ARHGEF16: variants seen among roughly 807,000 people sequenced by gnomAD.
The protein encoded by ARHGEF16 is Rho guanine exchange factor (GEF) 16.
In ARHGEF16, 59 loss-of-function variants were observed where a neutral mutation model predicts 74.1. That is an observed-to-expected ratio of 0.80 (90% CI 0.65 to 0.99). The LOEUF is 0.99. Among genes scored for constraint, ARHGEF16 ranks in the 50% least tolerant of loss-of-function variants. ARHGEF16 has a pLI of 0.00. For synonymous variants in ARHGEF16, 415 were observed against 412.6 expected (o/e 1.01, Z -0.07); for missense variants, 948 against 986.6 (o/e 0.96, Z 0.52).
rs1398144959 is a variant in ARHGEF16, at chr1:3,478,238, G to A, written c.1626-186G>A. 40 of 908,408 alleles carry A rather than the reference G, an allele frequency of 4.4e-5. No homozygotes were observed. The Middle Eastern group carries it at 9.7e-4, about 22-fold the overall frequency. 56.3% of individuals were successfully genotyped at this position (908,408 alleles called of 1,614,324 possible). A position where few individuals can be genotyped will look rare whatever the true frequency, so the allele number is the denominator to read the frequency against. ...CCTCCTCTGCAGACCTGGGTCTGCC[G>A]GTGATAGCCACGAGGAGGACTCGAA... On this transcript the variant is annotated intron_variant, in intron 11 of 14. Transcript: ENST00000378378.
intron 8 of ARHGEF16, chr1:3,474,342 G>A: frequency 3.4e-6 from 1 of 292,784 alleles, no homozygotes; most frequent in Middle Eastern, 1.2e-3. Flanking sequence ...GGCTACACAT[G>A]GCAGGGTTGC....
At position 3,479,499 on chromosome 1, in the gene ARHGEF16, G is replaced by A. The variant is rs768720649; in HGVS notation, c.1815-18G>A. 8 of 1,611,952 alleles carry A rather than the reference G, an allele frequency of 5.0e-6. No individual in the cohort carries two copies. In the South Asian group the frequency reaches 8.8e-5, roughly 18 times the overall value. Reference sequence around the variant, plus strand: ...GGATCGGTCTCCAGGCCTGGCTCATGCTGTCTCTGGTCCCCAGGAGTGACC... The same window carrying A: ...GGATCGGTCTCCAGGCCTGGCTCATACTGTCTCTGGTCCCCAGGAGTGACC... On this transcript the variant is annotated intron_variant, in intron 12 of 14. Coordinates refer to ENST00000378378, the MANE Select transcript of ARHGEF16 (RefSeq NM_014448.4).
At chr1:3,471,896 G>T in intron 6 of ARHGEF16, 3 of 931,222 alleles carry the variant, frequency 3.2e-6, no homozygotes, top group Non-Finnish European at 3.9e-6. Flanking sequence ...GCATGTCGTG[G>T]CCCTGCTCAT....
At chr1:3,462,281 C>T (rs1056555169) in intron 1 of ARHGEF16, among the ~76,000 whole-genome samples, 1 of 152,118 alleles carries the variant, frequency 6.6e-6, no homozygotes, top group African/African-American at 2.4e-5. Flanking sequence ...GCTCCTGAGA[C>T]CAGAATTGTC....
At chr1:3,455,103 T>A (rs1273646087) in intron 1 of ARHGEF16, among the ~76,000 whole-genome samples, 1 of 151,350 alleles carries the variant, frequency 6.6e-6, no homozygotes, top group African/African-American at 2.4e-5. Context: ...CTGCCCTCTC[T>A]TGACCCCGAG....
At chr1:3,457,354 G>T (rs1393703105) in intron 1 of ARHGEF16, among the ~76,000 whole-genome samples, 11 of 152,238 alleles carry the variant, frequency 7.2e-5, no homozygotes, top group Admixed American at 7.2e-4. Flanking sequence ...AGGGTAGGAG[G>T]GACAGAAATG....
In ARHGEF16 at chr1:3,457,414, G is replaced by A. The variant is rs1482496027; in HGVS notation, c.-20+2603G>A. Among the ~76,000 whole-genome samples the A allele has an allele frequency of 2.0e-5, 3 of 152,312 alleles. No individual in the cohort carries two copies. The South Asian group carries it at 6.2e-4, about 32-fold the overall frequency. On this transcript the variant is annotated intron_variant, in intron 1 of 14. Transcript: ENST00000378378. Reference sequence around the variant, plus strand: ...TGGAGGCCTGTGCAACATCCTAACCGGAGGGGCAGCAAACTTGGGGCAATT... The same window carrying A: ...TGGAGGCCTGTGCAACATCCTAACCAGAGGGGCAGCAAACTTGGGGCAATT...
At position 3,463,331 on chromosome 1, in the gene ARHGEF16, C is replaced by G; in HGVS notation, c.247C>G (p.Leu83Val). 1 of 1,550,194 alleles carries G rather than the reference C, an allele frequency of 6.5e-7. No homozygotes were observed. The change falls in exon 2 of 15, where the codon CTG becomes GTG. Residue 83 changes from leucine to valine, a missense_variant. Leu to Val is a conservative substitution (Grantham distance 32). Coordinates refer to ENST00000378378, the MANE Select transcript of ARHGEF16 (RefSeq NM_014448.4). ...CACAGAGAGCCCGGCGGCCCTCAAGCTGGGCACCCAACAGCTGATCCCTAA... is the reference window on the plus strand; with the variant it reads ...CACAGAGAGCCCGGCGGCCCTCAAGGTGGGCACCCAACAGCTGATCCCTAA... Reference protein sequence around the residue: ...LSTESPAALKLGTQQLIPKSL... With the variant: ...LSTESPAALKVGTQQLIPKSL...
chr1:3,476,029 G>C lies in ARHGEF16; in HGVS notation c.1440G>C (p.Thr480=). Residue 480 remains threonine (T), a synonymous_variant, in exon 10 of 15, where the codon ACG becomes ACC. Transcript: ENST00000378378. ...HRMERMEQMY[T]LHTQLDFSKV... ...TGGAGCGCATGGAGCAGATGTACAC[G>C]CTGCACACACAGCTGGACTTCAGCA... is the stretch of plus-strand genomic sequence containing the variant. 1 of 1,556,608 alleles carries C rather than the reference G, an allele frequency of 6.4e-7. No homozygotes were observed. The highest frequency in any genetic ancestry group is 8.7e-7 in the Non-Finnish European group (1 of 1,150,172).
Position 3,478,663 on chromosome 1 carries a change from C to T in ARHGEF16, c.1814+51C>T, listed in dbSNP as rs367774342. The T allele has an allele frequency of 7.4e-5, 115 of 1,548,546 alleles. 1 individual carries two copies. The African/African-American group carries it at 1.3e-3, about 18-fold the overall frequency. On this transcript the variant is annotated intron_variant, in intron 12 of 14. Transcript: ENST00000378378. ...TCCCAGGCCACAGGCACATTAGCTC[C>T]ATGGGGACCGGGTTGTCCCCCTGCC...
intron 6 of ARHGEF16, chr1:3,472,775 G>A: frequency 2.9e-6 from 1 of 343,334 alleles, no homozygotes; most frequent in East Asian, 5.7e-5. Context: ...CCCGCCTTTG[G>A]GGACAGTCCC....
intron 12 of ARHGEF16, 25 bp from the exon 13 acceptor site, chr1:3,479,492 G>A (rs1276704534): frequency 1.2e-6 from 2 of 1,611,572 alleles, no homozygotes; most frequent in African/African-American, 2.7e-5. Context: ...CTCCAGGCCT[G>A]GCTCATGCTG....
At chr1:3,468,589 C>G (rs1314260109) in intron 4 of ARHGEF16, 1 of 455,608 alleles carries the variant, frequency 2.2e-6, no homozygotes, top group Admixed American at 3.4e-5. Flanking sequence ...GACAAGATCC[C>G]CCCCCGCCCT....
intron 1 of ARHGEF16, among the ~76,000 whole-genome samples, chr1:3,457,947 A>G (rs958721412): frequency 6.6e-6 from 1 of 152,192 alleles, no homozygotes; most frequent in African/African-American, 2.4e-5. Context: ...GAGAAGCAGC[A>G]GGAAGTCGCC....
At chr1:3,477,034 A>G (rs377373855) in intron 10 of ARHGEF16, among the ~76,000 whole-genome samples, 2 of 151,776 alleles carry the variant, frequency 1.3e-5, no homozygotes, top group Non-Finnish European at 2.9e-5. Context: ...TCACCCCCAC[A>G]TGGTCTTGAA....
chr1:3,464,138 C>T (rs1001722514), intron 2 of ARHGEF16, among the ~76,000 whole-genome samples: 5 of 94,352 alleles, frequency 5.3e-5, no homozygotes, highest in Non-Finnish European at 1.1e-4. Context: ...TAGGAGAAGT[C>T]TGCACATTCC....
rs1220735564 is a variant in ARHGEF16 at position 3,468,949 on chromosome 1, T to C, written c.861+13T>C. 8 of 1,544,412 alleles carry C rather than the reference T, an allele frequency of 5.2e-6. No individual in the cohort carries two copies. Among genetic ancestry groups the C allele is most frequent in the South Asian group, 1.2e-5 (1 of 83,952 alleles). The stretch of plus-strand genomic sequence containing the variant: ...GAAAAGGCAGGAGGTAAAAGGGCCC[T>C]GGGCGGGAGGGCTGTCCCCCATGGC... On this transcript the variant is annotated intron_variant, in intron 5 of 14. Coordinates refer to ENST00000378378, the MANE Select transcript of ARHGEF16 (RefSeq NM_014448.4).
In ARHGEF16 at chr1:3,472,665, G is replaced by A. The variant is rs578106523; in HGVS notation, c.1023-413G>A. 483 of 164,540 alleles carry A rather than the reference G, an allele frequency of 2.9e-3. 3 individuals carry two copies. Among genetic ancestry groups the A allele is most frequent in the African/African-American group, 0.011 (470 of 41,920 alleles). The allele number at this position is 164,540 out of a possible 1,614,324, so 10.2% of individuals were successfully genotyped here. On this transcript the variant is annotated intron_variant, in intron 6 of 14. Coordinates refer to ENST00000378378, the MANE Select transcript of ARHGEF16 (RefSeq NM_014448.4). ...GGGGCAAGCTGGTGCGGCAGCGGGGGCCCGGGCCTGTGTGGAGGCCCAGTC... is the reference window on the plus strand; with the variant it reads ...GGGGCAAGCTGGTGCGGCAGCGGGGACCCGGGCCTGTGTGGAGGCCCAGTC...
At chr1:3,479,496 C>T (rs1639995188) in intron 12 of ARHGEF16, 21 bp from the exon 13 acceptor site, 3 of 1,611,830 alleles carry the variant, frequency 1.9e-6, no homozygotes, top group Non-Finnish European at 2.5e-6. Context: ...AGGCCTGGCT[C>T]ATGCTGTCTC....
Sources: allele counts gnomAD v4.1 joint callset (sites outside exome capture counted in the v4.1 genomes callset), GRCh38; gene constraint gnomAD v4.1.1; transcripts MANE v1.5; gene names NCBI Gene and HGNC (gene_info 2026-07-23, HGNC 2026-07-21).